GRM8: variants seen among roughly 807,000 people sequenced by gnomAD.
GRM8 encodes the protein glutamate metabotropic receptor 8, also known as metabotropic glutamate receptor 8.
A neutral mutation model predicts 87.2 loss-of-function variants in GRM8; 47 were observed. That is an observed-to-expected ratio of 0.54 (90% CI 0.43 to 0.69). The LOEUF (loss-of-function observed/expected upper bound fraction) is 0.69, where lower values mean the gene tolerates loss of function less well. Ranked by LOEUF, GRM8 falls within the 30% of genes least tolerant of loss-of-function variation. The pLI, the probability that GRM8 is intolerant of heterozygous loss-of-function variation, is 0.00. For synonymous variants in GRM8, 396 were observed against 404.5 expected, an observed-to-expected ratio of 0.98 and a Z score of 0.25; for missense variants, 1,019 against 1,139.2, an observed-to-expected ratio of 0.89 and a Z score of 1.52.
intron 6 of GRM8, among the ~76,000 whole-genome samples, chr7:126,900,027 C>A (rs1801914666): frequency 6.6e-6 from 1 of 152,162 alleles, no homozygotes; most frequent in African/African-American, 2.4e-5. Flanking sequence ...CCAAGCCCAG[C>A]ATTCTCAGTG....
intron 7 of GRM8, among the ~76,000 whole-genome samples, chr7:126,707,493 C>G (rs985071219): frequency 6.6e-6 from 1 of 152,066 alleles, no homozygotes; most frequent in Non-Finnish European, 1.5e-5. Flanking sequence ...TTTAACTAGA[C>G]TTTCTTTTCT....
chr7:126,453,535 G>A (rs183207805), intron 9 of GRM8, among the ~76,000 whole-genome samples: 2 of 151,794 alleles, frequency 1.3e-5, no homozygotes, highest in East Asian at 3.9e-4. Flanking sequence ...ACTAGCTAAA[G>A]AGAATGATAC....
intron 3 of GRM8, among the ~76,000 whole-genome samples, chr7:126,985,399 T>C (rs1418540321): frequency 1.3e-5 from 2 of 152,208 alleles, no homozygotes; most frequent in Non-Finnish European, 2.9e-5. Flanking sequence ...AACTCATTAA[T>C]TTATTATGAT....
At chr7:126,797,624 C>G (rs1036428704) in intron 6 of GRM8, among the ~76,000 whole-genome samples, 2 of 152,108 alleles carry the variant, frequency 1.3e-5, no homozygotes, top group African/African-American at 4.8e-5. Flanking sequence ...TGACAATTCT[C>G]TGAAGCCAAA....
intron 2 of GRM8, among the ~76,000 whole-genome samples, chr7:127,241,596 G>A (rs1798305125): frequency 6.6e-6 from 1 of 152,004 alleles, no homozygotes; most frequent in Admixed American, 6.6e-5. Context: ...ACTATGCCGG[G>A]CTAATTTTTT....
At chr7:126,563,619 A>G (rs1307595038) in intron 8 of GRM8, among the ~76,000 whole-genome samples, 1 of 152,192 alleles carries the variant, frequency 6.6e-6, no homozygotes, top group Non-Finnish European at 1.5e-5. Context: ...AAGGGCATCA[A>G]GCTGTGGCTT....
chr7:126,527,280 C>G (rs1429607753), intron 9 of GRM8, among the ~76,000 whole-genome samples: 1 of 152,150 alleles, frequency 6.6e-6, no homozygotes, highest in Non-Finnish European at 1.5e-5. Context: ...ATCGCTTGAA[C>G]CTGGGAGGCA....
chr7:126,751,150 T>C (rs1359216486), intron 7 of GRM8, among the ~76,000 whole-genome samples: 1 of 152,122 alleles, frequency 6.6e-6, no homozygotes, highest in South Asian at 2.1e-4. Context: ...ACATTTTCCA[T>C]TGGAAATTCC....
chr7:126,914,971 T>C (rs1803736587), intron 3 of GRM8, among the ~76,000 whole-genome samples: 1 of 152,186 alleles, frequency 6.6e-6, no homozygotes, highest in Non-Finnish European at 1.5e-5. Flanking sequence ...GAAAAGGACC[T>C]TGGCACAGAG....
chr7:127,080,156 G>A (rs1822705117), intron 3 of GRM8, among the ~76,000 whole-genome samples: 1 of 152,168 alleles, frequency 6.6e-6, no homozygotes, highest in African/African-American at 2.4e-5. Context: ...AAATTGGGAA[G>A]GGGGAGGCAG....
chr7:126,577,021 A>C (rs1795178178), intron 8 of GRM8, among the ~76,000 whole-genome samples: 1 of 152,176 alleles, frequency 6.6e-6, no homozygotes, highest in Non-Finnish European at 1.5e-5. Context: ...ATGGCTCCAA[A>C]GCTTATCGTA....
intron 7 of GRM8, among the ~76,000 whole-genome samples, chr7:126,698,460 C>T (rs997833750): frequency 3.3e-5 from 5 of 152,032 alleles, no homozygotes; most frequent in Admixed American, 2.0e-4. Context: ...CCACATATTA[C>T]AAAATGCTCT....
intron 3 of GRM8, among the ~76,000 whole-genome samples, chr7:127,003,470 T>C (rs756155401): frequency 4.0e-5 from 6 of 151,680 alleles, no homozygotes; most frequent in African/African-American, 1.4e-4. Flanking sequence ...CCCACCCACA[T>C]GAAGAAAGTC....
chr7:126,995,534 C>A (rs1263769042), intron 3 of GRM8, among the ~76,000 whole-genome samples: 1 of 152,046 alleles, frequency 6.6e-6, no homozygotes, highest in Non-Finnish European at 1.5e-5. Context: ...AAGAATCAAG[C>A]AGAAATTCTA....
chr7:127,015,068 AAAGAAAGAAGG>A (rs1815383961), intron 3 of GRM8, among the ~76,000 whole-genome samples: 3 of 93,308 alleles, frequency 3.2e-5, no homozygotes, highest in African/African-American at 6.7e-5. Context: ...GAAGAAGAAG[AAAGAAAGAAGG>A]AGAAGAAGGA....
intron 6 of GRM8, among the ~76,000 whole-genome samples, chr7:126,809,709 G>A (rs901548514): frequency 5.9e-5 from 9 of 152,156 alleles, no homozygotes; most frequent in African/African-American, 2.2e-4. Flanking sequence ...GCCACTTGCT[G>A]CACTGGGACA....
intron 7 of GRM8, among the ~76,000 whole-genome samples, chr7:126,755,358 C>T (rs1816886477): frequency 6.6e-6 from 1 of 151,868 alleles, no homozygotes; most frequent in Admixed American, 6.6e-5. Context: ...GAGATATACC[C>T]AAGTAATTCT....
At position 127,015,065 on chromosome 7, in the gene GRM8, A is replaced by G. The variant is rs1306382755; in HGVS notation, c.727+91431T>C. ...GAAGAAGAAGAAGAAGAAGAAGAAGAAGAAAGAAAGAAGGAGAAGAAGGAG... is the reference window on the plus strand; with the variant it reads ...GAAGAAGAAGAAGAAGAAGAAGAAGGAGAAAGAAAGAAGGAGAAGAAGGAG... On this transcript the variant is annotated intron_variant, in intron 3 of 10. Transcript: ENST00000339582. Among the ~76,000 whole-genome samples the G allele has an allele frequency of 9.3e-4, 85 of 91,812 alleles. 2 individuals carry two copies. The highest frequency in any genetic ancestry group is 5.1e-3 in the South Asian group (13 of 2,564). 60.2% of individuals were successfully genotyped at this position (91,812 alleles called of 152,430 possible). A position where few individuals can be genotyped will look rare whatever the true frequency, so the allele number is the denominator to read the frequency against.
chr7:126,653,127 A>G (rs1327289292), intron 7 of GRM8, among the ~76,000 whole-genome samples: 1 of 152,056 alleles, frequency 6.6e-6, no homozygotes, highest in Non-Finnish European at 1.5e-5. Context: ...GATAGTGAGA[A>G]TACATGTCTA....
Sources: gnomAD v4.1 joint callset for allele counts (sites outside exome capture counted in the v4.1 genomes callset) on GRCh38, gnomAD v4.1.1 for gene constraint, MANE v1.5 for transcripts, NCBI Gene and HGNC (gene_info 2026-07-23, HGNC 2026-07-21) for gene names.